The following KDM6A variants were observed in gnomAD, a reference collection of about 807,000 sequenced individuals.
KDM6A encodes lysine demethylase 6A, also known as lysine-specific demethylase 6A.
A neutral mutation model predicts 117.6 loss-of-function variants in KDM6A; 11 were observed. The ratio of observed to expected loss-of-function variants is 0.09; its 90% CI spans 0.06 to 0.15. The LOEUF is 0.15. Ranked by LOEUF, KDM6A falls within the 10% of genes least tolerant of loss-of-function variation. KDM6A has a pLI of 1.00. For missense variants in KDM6A, 799 were observed against 1,077.3 expected, an observed-to-expected ratio of 0.74 and a Z score of 3.62; for synonymous variants, 384 against 396.1, an observed-to-expected ratio of 0.97 and a Z score of 0.36.
chrX:44,884,770 C>T (rs2032693049), intron 2 of KDM6A, among the ~76,000 whole-genome samples: 2 of 111,645 alleles, frequency 1.8e-5, no homozygotes, highest in African/African-American at 6.5e-5. Context: ...TTGTATCTGA[C>T]AACATCTCAG....
intron 4 of KDM6A, among the ~76,000 whole-genome samples, chrX:44,994,486 C>T (rs922014459): frequency 4.5e-5 from 5 of 111,898 alleles, no homozygotes; most frequent in Non-Finnish European, 9.4e-5. Context: ...ATATATACCA[C>T]GTTTTCTTAA....
chrX:44,886,493 T>C (rs1038957924), intron 2 of KDM6A, among the ~76,000 whole-genome samples: 4 of 102,420 alleles, frequency 3.9e-5, no homozygotes, highest in African/African-American at 1.4e-4. Context: ...CTTACTATCT[T>C]TTTTTTTTTT....
chrX:45,105,592 G>T (rs2046498380), intron 27 of KDM6A, among the ~76,000 whole-genome samples: 1 of 111,916 alleles, frequency 8.9e-6, no homozygotes, highest in Non-Finnish European at 1.9e-5. Flanking sequence ...AGAGGAGCAG[G>T]TGCTATTCAA....
At chrX:45,068,578 AAGAG>A (rs1392372866) in intron 17 of KDM6A, among the ~76,000 whole-genome samples, 5 of 103,898 alleles carry the variant, frequency 4.8e-5, no homozygotes, top group Non-Finnish European at 7.8e-5. Context: ...AAAAAAAAAA[AAGAG>A]AGACACAAGG....
At chrX:45,003,865 C>T (rs890512183) in intron 4 of KDM6A, among the ~76,000 whole-genome samples, 1 of 102,558 alleles carries the variant, frequency 9.8e-6, no homozygotes, top group African/African-American at 3.6e-5. Context: ...TCCTCTCTCT[C>T]CCCTCTCTCT....
At chrX:44,937,202 A>G (rs1423579617) in intron 2 of KDM6A, among the ~76,000 whole-genome samples, 3 of 110,772 alleles carry the variant, frequency 2.7e-5, no homozygotes, top group Non-Finnish European at 5.7e-5. Flanking sequence ...ATAACCCTGA[A>G]TAGTAGGGAG....
In KDM6A at chrX:45,082,749, A is replaced by G. The variant is rs1224763851; in HGVS notation, c.3400A>G (p.Ile1134Val). Residue 1134 changes from isoleucine (I) to valine (V), a missense_variant, in exon 23 of 30, where the codon ATA (isoleucine) becomes GTA (valine). Ile to Val is a conservative substitution (Grantham distance 29). Around this residue, in one of 8 missense-constraint regions of KDM6A, gnomAD observed 291 missense variants for 437.9 expected, o/e 0.66. Transcript: ENST00000611820. ...GRRRKGPFKTIKFGTNIDLSD... is the reference protein window; with the variant it reads ...GRRRKGPFKTVKFGTNIDLSD... Reference sequence around the variant, plus strand: ...GAGGAGGAAAGGACCCTTTAAAACCATAAAGTTTGGGACCAATATTGACCT... The same window carrying G: ...GAGGAGGAAAGGACCCTTTAAAACCGTAAAGTTTGGGACCAATATTGACCT... The G allele has an allele frequency of 1.7e-6, 2 of 1,206,488 alleles. No homozygotes were observed. The highest frequency in any genetic ancestry group is 2.2e-6 in the Non-Finnish European group (2 of 891,077).
chrX:44,972,914 A>G (rs2039431317), intron 3 of KDM6A, among the ~76,000 whole-genome samples: 1 of 110,231 alleles, frequency 9.1e-6, no homozygotes. Flanking sequence ...ACGCGCCTGT[A>G]ATCCCAGCTA....
chrX:45,093,747 C>G (rs764964916), intron 27 of KDM6A, among the ~76,000 whole-genome samples: 17 of 111,318 alleles, frequency 1.5e-4, no homozygotes, highest in Non-Finnish European at 2.6e-4. Flanking sequence ...CTTTGAGACT[C>G]CTTCCAGTTT....
chrX:44,918,336 T>G (rs774914148), intron 2 of KDM6A, among the ~76,000 whole-genome samples: 23 of 111,561 alleles, frequency 2.1e-4, no homozygotes, highest in Non-Finnish European at 3.6e-4. Context: ...TGCTACTTCA[T>G]TCACCTATAG....
intron 6 of KDM6A, 115 bp downstream of exon 6, chrX:45,020,845 A>G: frequency 1.1e-6 from 1 of 869,761 alleles, no homozygotes; most frequent in Non-Finnish European, 1.7e-6. Context: ...GCACTTTAAA[A>G]GAAAATTTGA....
chrX:45,002,468 T>A (rs1390125076), intron 4 of KDM6A, among the ~76,000 whole-genome samples: 1 of 112,334 alleles, frequency 8.9e-6, no homozygotes, highest in Non-Finnish European at 1.9e-5. Flanking sequence ...CACACAGAAT[T>A]TCCTTTACAA....
chrX:45,090,563 T>C (rs2045851899), intron 26 of KDM6A, among the ~76,000 whole-genome samples, 160 bp from the exon 27 acceptor site: 2 of 112,194 alleles, frequency 1.8e-5, no homozygotes, highest in Non-Finnish European at 3.8e-5. Flanking sequence ...ATTGCTAATA[T>C]TATTACTACT....
chrX:45,021,227 C>T (rs986816700), intron 6 of KDM6A, among the ~76,000 whole-genome samples: 3 of 111,573 alleles, frequency 2.7e-5, no homozygotes, highest in East Asian at 2.8e-4. Context: ...TGAGCATAAA[C>T]GTTGTGGGAA....
At chrX:44,898,424 CTGACTCTAACTCACATCTCCTTGT>C (rs2034061566) in intron 2 of KDM6A, among the ~76,000 whole-genome samples, 2 of 111,823 alleles carry the variant, frequency 1.8e-5, no homozygotes, top group African/African-American at 6.5e-5. Context: ...AGAAAGCTGA[CTGACTCTAACTCACATCTCCTTGT>C]TCAGTCTTGT....
At chrX:44,981,660 T>G (rs769410575) in intron 4 of KDM6A, among the ~76,000 whole-genome samples, 2 of 111,864 alleles carry the variant, frequency 1.8e-5, no homozygotes, top group East Asian at 5.6e-4. Flanking sequence ...CATGCTTTGC[T>G]CTTTGCTGTG....
At chrX:44,960,458 G>A (rs1403939475) in intron 2 of KDM6A, among the ~76,000 whole-genome samples, 1 of 111,439 alleles carries the variant, frequency 9.0e-6, no homozygotes, top group East Asian at 2.8e-4. Flanking sequence ...TAAAGCCTTA[G>A]AGAAGTTTTC....
chrX:44,949,596 G>A (rs1031162452), intron 2 of KDM6A, among the ~76,000 whole-genome samples: 1 of 110,931 alleles, frequency 9.0e-6, no homozygotes, highest in African/African-American at 3.3e-5. Flanking sequence ...TTTAGAAGTT[G>A]TAGAATTCAA....
Position 45,063,686 on chromosome X carries a change from A to G in KDM6A, c.1948A>G (p.Ile650Val), listed in dbSNP as rs762004743. The G allele has an allele frequency of 2.1e-4, 259 of 1,208,163 alleles. 1 individual carries two copies. Among genetic ancestry groups the G allele is most frequent in the South Asian group, 1.8e-3 (101 of 56,524 alleles). Residue 650 changes from isoleucine to valine, a missense_variant, in exon 17 of 30, where the codon ATA (isoleucine) becomes GTA (valine). This residue lies in a region of KDM6A where 301 missense variants were observed against 318.3 expected (regional missense o/e 0.95). Transcript: ENST00000611820. ...TDTILIGNNHITGSGSNGNVP... is the reference protein window; with the variant it reads ...TDTILIGNNHVTGSGSNGNVP... Reference sequence around the variant, plus strand: ...CACTATTTTGATAGGCAATAATCATATAACAGGAAGTGGAAGTAATGGAAA... The same window carrying G: ...CACTATTTTGATAGGCAATAATCATGTAACAGGAAGTGGAAGTAATGGAAA...
Sources: gnomAD v4.1 joint callset for allele counts (sites outside exome capture counted in the v4.1 genomes callset) on GRCh38, gnomAD v4.1.1 for gene constraint, gnomAD v4.1.1 regional missense constraint, MANE v1.5 for transcripts, NCBI Gene and HGNC (gene_info 2026-07-23, HGNC 2026-07-21) for gene names.